Variants in GPATCH2L observed in about 807,000 individuals in gnomAD.
The protein encoded by GPATCH2L is G-patch domain containing 2 like, also known as G patch domain-containing protein 2-like.
GPATCH2L carries 31 observed loss-of-function variants against 57.4 expected under a neutral mutation model. The ratio of observed to expected loss-of-function variants is 0.54; its 90% confidence interval spans 0.41 to 0.73. GPATCH2L has a LOEUF of 0.73. GPATCH2L is among the 30% of genes least tolerant of loss of function. The probability of loss-of-function intolerance (pLI) is 0.00; values close to 1 mark genes in which losing one functional copy is unlikely to be tolerated. For synonymous variants in GPATCH2L, 199 were observed against 210.7 expected (o/e 0.94, Z 0.48); for missense variants, 481 against 599.9 (o/e 0.80, Z 2.07).
rs533761417 is a variant in GPATCH2L, at chr14:76,214,012, C to G, written c.*12161C>G. On this transcript the variant is annotated 3_prime_UTR_variant, in exon 10 of 10. Coordinates refer to ENST00000261530, the MANE Select transcript of GPATCH2L (RefSeq NM_017926.4). ...ATAGAGACTTTATAGTATGTTTTAA[C>G]AACTGGCAAGGCTAGTCCCCCTTAT... 3 of 152,266 alleles carry G rather than the reference C, an allele frequency of 2.0e-5. No homozygotes were observed. The East Asian group carries it at 5.8e-4, about 29-fold the overall frequency. 9.4% of individuals were successfully genotyped at this position (152,266 alleles called of 1,614,324 possible).
intron 2 of GPATCH2L, among the ~76,000 whole-genome samples, chr14:76,158,049 A>C (rs1215503159): frequency 6.6e-6 from 1 of 152,196 alleles, no homozygotes; most frequent in Non-Finnish European, 1.5e-5. Context: ...GCTATTAGCT[A>C]TTAGGTGACT....
rs1403119772 is a variant in GPATCH2L at position 76,204,904 on chromosome 14, T to C, written c.*3053T>C. The C allele has an allele frequency of 6.6e-6, 1 of 152,204 alleles. No individual in the cohort carries two copies. Among genetic ancestry groups the C allele is most frequent in the African/African-American group, 2.4e-5 (1 of 41,444 alleles). The allele number at this position is 152,204 out of a possible 1,614,324, so 9.4% of individuals were successfully genotyped here. A position where few individuals can be genotyped will look rare whatever the true frequency, so the allele number is the denominator to read the frequency against. On this transcript the variant is annotated 3_prime_UTR_variant, in exon 10 of 10. Coordinates refer to ENST00000261530, the MANE Select transcript of GPATCH2L (RefSeq NM_017926.4). The stretch of plus-strand genomic sequence containing the variant: ...TTTAATTACGAGTTTAAAGGAATTT[T>C]AGATTTTTTTCAGATGCAGTATTTT...
intron 3 of GPATCH2L, among the ~76,000 whole-genome samples, chr14:76,169,308 T>TA (rs1843013798): frequency 6.6e-6 from 1 of 152,218 alleles, no homozygotes; most frequent in African/African-American, 2.4e-5. Flanking sequence ...AGGCAGGACT[T>TA]ATTATGTGCA....
intron 9 of GPATCH2L, 25 bp downstream of exon 9, chr14:76,195,997 T>C (rs1442211834): frequency 7.3e-6 from 11 of 1,504,810 alleles, no homozygotes; most frequent in Non-Finnish European, 1.0e-5. Context: ...TTATCATTTA[T>C]TGAGCATGTA....
intron 5 of GPATCH2L, chr14:76,174,580 A>G (rs1156284507): frequency 6.6e-6 from 1 of 151,838 alleles, no homozygotes; most frequent in Non-Finnish European, 1.5e-5. Flanking sequence ...GAGACTGTTT[A>G]TTTCCAGACG....
rs973670408 is a variant in GPATCH2L, at chr14:76,204,821, C to T, written c.*2970C>T. The T allele has an allele frequency of 2.6e-5, 4 of 152,096 alleles. No individual in the cohort carries two copies. Among genetic ancestry groups the T allele is most frequent in the Non-Finnish European group, 5.9e-5 (4 of 68,026 alleles). The allele number at this position is 152,096 out of a possible 1,614,324, so 9.4% of individuals were successfully genotyped here. A position where few individuals can be genotyped will look rare whatever the true frequency, so the allele number is the denominator to read the frequency against. On this transcript the variant is annotated 3_prime_UTR_variant, in exon 10 of 10. Coordinates refer to ENST00000261530, the MANE Select transcript of GPATCH2L (RefSeq NM_017926.4). ...GAATCCTAGTTTAGTGTGTTTTCCACGATGGGCAGAAGTCAGAACATTATC... is the reference window on the plus strand; with the variant it reads ...GAATCCTAGTTTAGTGTGTTTTCCATGATGGGCAGAAGTCAGAACATTATC...
intron 8 of GPATCH2L, 54 bp from the exon 9 acceptor site, chr14:76,195,824 C>A: frequency 7.6e-7 from 1 of 1,317,570 alleles, no homozygotes; most frequent in Non-Finnish European, 1.1e-6. Context: ...CATGTAATGT[C>A]TTACAATAAG....
intron 8 of GPATCH2L, among the ~76,000 whole-genome samples, chr14:76,191,701 G>A (rs1397616680): frequency 6.6e-6 from 1 of 152,042 alleles, no homozygotes; most frequent in Non-Finnish European, 1.5e-5. Flanking sequence ...GGGGTACACA[G>A]TGGCATTTCA....
At chr14:76,159,268 C>G (rs1287148626) in intron 2 of GPATCH2L, among the ~76,000 whole-genome samples, 1 of 152,250 alleles carries the variant, frequency 6.6e-6, no homozygotes, top group African/African-American at 2.4e-5. Context: ...GTAGCCTCAA[C>G]TGCCCACTTG....
intron 2 of GPATCH2L, among the ~76,000 whole-genome samples, chr14:76,155,438 A>G (rs963944617): frequency 6.6e-6 from 1 of 152,202 alleles, no homozygotes; most frequent in Non-Finnish European, 1.5e-5. Flanking sequence ...TAAATGTTCC[A>G]TTAAGTTGCC....
At chr14:76,223,064 A>G (rs1332016020) in intron 1 of GPATCH2L, among the ~76,000 whole-genome samples, 1 of 152,170 alleles carries the variant, frequency 6.6e-6, no homozygotes, top group East Asian at 1.9e-4. Flanking sequence ...TCTTTTAAAC[A>G]TTTAAAGAAT....
chr14:76,171,988 A>C lies in GPATCH2L; in HGVS notation c.873A>C (p.Thr291=). The part of the protein sequence containing the change: ...DSGLDKFSDS[T]FLLPSRPAQR... ...GATTGGATAAATTTTCAGATTCCACATTCCTTTTACCTTCTCGGCCAGCTC... is the reference window on the plus strand; with the variant it reads ...GATTGGATAAATTTTCAGATTCCACCTTCCTTTTACCTTCTCGGCCAGCTC... Residue 291 remains threonine (T), a synonymous_variant, in exon 4 of 10, where the codon ACA becomes ACC. Coordinates refer to ENST00000261530, the MANE Select transcript of GPATCH2L (RefSeq NM_017926.4). 6.2e-7 allele frequency: 1 copy of C among 1,612,566 alleles called. No homozygotes were observed. The highest frequency in any genetic ancestry group is 8.5e-7 in the Non-Finnish European group (1 of 1,179,216).
chr14:76,217,076 T>C (rs1431462772), downstream of GPATCH2L, among the ~76,000 whole-genome samples: 2 of 152,158 alleles, frequency 1.3e-5, no homozygotes, highest in Non-Finnish European at 2.9e-5. Flanking sequence ...ATTGTACAAT[T>C]TAAACTATAC....
rs1230097444 is a variant in GPATCH2L, at chr14:76,209,648, A to G, written c.*7797A>G. On this transcript the variant is annotated 3_prime_UTR_variant, in exon 10 of 10. Coordinates refer to ENST00000261530, the MANE Select transcript of GPATCH2L (RefSeq NM_017926.4). ...AATCTGTGGCTTTCTGCTGCTGGTT[A>G]ATTTTTTAATTTGGCTTCCTCAAGC... 6.6e-6 allele frequency: 1 copy of G among 152,204 alleles called. No homozygotes were observed. Among genetic ancestry groups the G allele is most frequent in the Non-Finnish European group, 1.5e-5 (1 of 68,060 alleles). The allele number at this position is 152,204 out of a possible 1,614,324, so 9.4% of individuals were successfully genotyped here. A position where few individuals can be genotyped will look rare whatever the true frequency, so the allele number is the denominator to read the frequency against.
rs920119894 is a variant in GPATCH2L at position 76,212,555 on chromosome 14, A to G, written c.*10704A>G. On this transcript the variant is annotated 3_prime_UTR_variant, in exon 10 of 10. Transcript: ENST00000261530. ...AAGAAACAAATACAATGTTAGTTGG[A>G]TATTTTAATTCAATTCTGTCAATTC... The G allele has an allele frequency of 6.6e-6, 1 of 152,238 alleles. No individual in the cohort carries two copies. Among genetic ancestry groups the G allele is most frequent in the Non-Finnish European group, 1.5e-5 (1 of 68,030 alleles). The allele number at this position is 152,238 out of a possible 1,614,324, so 9.4% of individuals were successfully genotyped here.
intron 7 of GPATCH2L, chr14:76,179,857 A>G (rs2039488804): frequency 6.6e-6 from 1 of 152,096 alleles, no homozygotes; most frequent in African/African-American, 2.4e-5. Context: ...TCTGAAAGCA[A>G]TATTTCATTT....
intron 7 of GPATCH2L, chr14:76,178,963 A>C (rs2039453363): frequency 6.6e-6 from 1 of 151,822 alleles, no homozygotes; most frequent in African/African-American, 2.4e-5. Flanking sequence ...AAGCTTTGTG[A>C]TTTTTTTGGA....
intron 8 of GPATCH2L, among the ~76,000 whole-genome samples, chr14:76,188,245 T>A (rs1248253817): frequency 2.0e-5 from 3 of 152,194 alleles, no homozygotes; most frequent in Non-Finnish European, 2.9e-5. Context: ...ATAGTGAGAT[T>A]GCTGGATCAT....
Position 76,172,034 on chromosome 14 carries a change from G to C in GPATCH2L, c.904+15G>C. The C allele has an allele frequency of 6.5e-7, 1 of 1,542,762 alleles. No homozygotes were observed. The highest frequency in any genetic ancestry group is 8.8e-7 in the Non-Finnish European group (1 of 1,137,804). On this transcript the variant is annotated intron_variant, in intron 4 of 9. Transcript: ENST00000261530. ...AGCTCAAAGAGGTGAGTTCTGAGGA[G>C]ACCAAGAACTTAATGCTTTTATGGT...
Sources: gnomAD v4.1 joint callset for allele counts (sites outside exome capture counted in the v4.1 genomes callset) on GRCh38, gnomAD v4.1.1 for gene constraint, MANE v1.5 for transcripts, NCBI Gene and HGNC (gene_info 2026-07-23, HGNC 2026-07-21) for gene names.